SLC25A26: variants seen among roughly 807,000 people sequenced by gnomAD.
SLC25A26 encodes mitochondrial S-adenosylmethionine carrier protein.
In SLC25A26, 36 loss-of-function variants were observed where a neutral mutation model predicts 37.8. The ratio of observed to expected loss-of-function variants is 0.95; its 90% CI spans 0.73 to 1.26. The LOEUF (loss-of-function observed/expected upper bound fraction) is 1.26, where lower values mean the gene tolerates loss of function less well. SLC25A26 is among the 50% of genes most tolerant of loss of function. SLC25A26 has a pLI of 0.00. For missense variants in SLC25A26, 390 were observed against 331.1 expected (o/e 1.18, Z -1.38); for synonymous variants, 129 against 122.5 (o/e 1.05, Z -0.35).
intron 9 of SLC25A26, among the ~76,000 whole-genome samples, chr3:66,372,142 C>T (rs1259046942): frequency 6.6e-6 from 1 of 152,164 alleles, no homozygotes; most frequent in Non-Finnish European, 1.5e-5. Flanking sequence ...AGCAATTGGG[C>T]TACATACATG....
At chr3:66,182,226 G>GT (rs2070723898) in intron 1 of SLC25A26, among the ~76,000 whole-genome samples, 1 of 152,144 alleles carries the variant, frequency 6.6e-6, no homozygotes, top group Non-Finnish European at 1.5e-5. Flanking sequence ...GCCTGAGGAA[G>GT]TTTGTTGGGC....
At chr3:66,210,132 T>C (rs2071265184) in intron 1 of SLC25A26, among the ~76,000 whole-genome samples, 1 of 150,604 alleles carries the variant, frequency 6.6e-6, no homozygotes, top group Non-Finnish European at 1.5e-5. Flanking sequence ...TCCTTCTCCC[T>C]TTTCTATTCC....
intron 5 of SLC25A26, among the ~76,000 whole-genome samples, chr3:66,326,473 C>G (rs920220611): frequency 4.6e-5 from 7 of 152,182 alleles, no homozygotes; most frequent in African/African-American, 1.7e-4. Context: ...GCTTCTGCCC[C>G]AGAGGCTTTG....
intron 9 of SLC25A26, among the ~76,000 whole-genome samples, chr3:66,372,050 G>A (rs1292324581): frequency 6.6e-6 from 1 of 152,170 alleles, no homozygotes; most frequent in East Asian, 1.9e-4. Flanking sequence ...TTACAACTGT[G>A]CCACTGCTCT....
At chr3:66,287,136 A>G (rs901833315) in intron 5 of SLC25A26, among the ~76,000 whole-genome samples, 2 of 152,072 alleles carry the variant, frequency 1.3e-5, no homozygotes, top group Non-Finnish European at 2.9e-5. Flanking sequence ...CTCTACTAAA[A>G]ATACAAAAAA....
chr3:66,148,036 C>T (rs979986025), intron 1 of SLC25A26, among the ~76,000 whole-genome samples: 4 of 152,132 alleles, frequency 2.6e-5, no homozygotes, highest in East Asian at 3.9e-4. Context: ...GGATTATAGG[C>T]GTGAGCCACC....
chr3:66,367,110 C>T (rs2076840652), intron 7 of SLC25A26, among the ~76,000 whole-genome samples: 1 of 152,170 alleles, frequency 6.6e-6, no homozygotes, highest in South Asian at 2.1e-4. Flanking sequence ...TGTGAGTGTG[C>T]TGGTCTAAAG....
intron 5 of SLC25A26, among the ~76,000 whole-genome samples, chr3:66,284,083 A>G (rs1171762891): frequency 6.6e-6 from 1 of 152,226 alleles, no homozygotes; most frequent in East Asian, 1.9e-4. Context: ...ATGGTGGCTC[A>G]TGCCTGTTAT....
chr3:66,161,023 C>G (rs148313998), intron 1 of SLC25A26, among the ~76,000 whole-genome samples: 4,482 of 152,198 alleles, frequency 0.029, 184 homozygotes, highest in African/African-American at 0.098. Context: ...CTTTCCCCTC[C>G]TAATTGTTCC....
chr3:66,137,217 CT>C (rs528438794), intron 1 of SLC25A26, among the ~76,000 whole-genome samples: 33,404 of 118,734 alleles, frequency 0.28, 3,086 homozygotes, highest in African/African-American at 0.34. Flanking sequence ...GATTTTCTTT[CT>C]TTTTTTTTTT....
At chr3:66,220,820 T>C, upstream of SLC25A26, 1 of 529,584 alleles carries the variant, frequency 1.9e-6, no homozygotes, top group South Asian at 2.3e-5. Context: ...CGAAAGTTCC[T>C]CCGTCTAGCT....
At chr3:66,189,256 C>A (rs1352382934) in intron 1 of SLC25A26, among the ~76,000 whole-genome samples, 1 of 151,958 alleles carries the variant, frequency 6.6e-6, no homozygotes, top group Non-Finnish European at 1.5e-5. Context: ...TACACCCACT[C>A]TCACTCTGAC....
intron 1 of SLC25A26, among the ~76,000 whole-genome samples, chr3:66,193,355 T>A (rs1302868623): frequency 2.0e-5 from 3 of 152,200 alleles, no homozygotes; most frequent in African/African-American, 7.2e-5. Context: ...TTCCTTTTTT[T>A]GTCAACAAAT....
chr3:66,277,366 T>G (rs1243869712), intron 5 of SLC25A26, among the ~76,000 whole-genome samples: 1 of 152,130 alleles, frequency 6.6e-6, no homozygotes, highest in African/African-American at 2.4e-5. Context: ...AATATTGTAT[T>G]ATATGTGTAA....
At chr3:66,375,542 C>T (rs1700596963) in intron 9 of SLC25A26, among the ~76,000 whole-genome samples, 1 of 152,006 alleles carries the variant, frequency 6.6e-6, no homozygotes, top group African/African-American at 2.4e-5. Context: ...CTCATTGACT[C>T]TTCTGAAAAT....
At chr3:66,335,965 G>A (rs2076085627) in intron 5 of SLC25A26, among the ~76,000 whole-genome samples, 1 of 152,144 alleles carries the variant, frequency 6.6e-6, no homozygotes, top group African/African-American at 2.4e-5. Context: ...AGGAAGCTAT[G>A]GAGCTGTTCA....
rs908445430 is a variant in SLC25A26, at chr3:66,170,806, T to G, written c.-354+36822T>G. Among the ~76,000 whole-genome samples, 1,099 of 129,872 alleles carry G rather than the reference T, an allele frequency of 8.5e-3. 13 individuals are homozygous for G. The highest frequency in any genetic ancestry group is 0.028 in the African/African-American group (934 of 33,448). 85.2% of individuals were successfully genotyped at this position (129,872 alleles called of 152,430 possible). A position where few individuals can be genotyped will look rare whatever the true frequency, so the allele number is the denominator to read the frequency against. ...TGTGATTATTGTTTTTTTTTTTTTTTTTTTTTTTTTTTTTTGAGACGGAGT... is the reference window on the plus strand; with the variant it reads ...TGTGATTATTGTTTTTTTTTTTTTTGTTTTTTTTTTTTTTTGAGACGGAGT... On this transcript the variant is annotated intron_variant, in intron 1 of 10. Transcript: ENST00000676754.
chr3:66,168,077 C>T (rs529347853), intron 1 of SLC25A26, among the ~76,000 whole-genome samples: 11 of 150,338 alleles, frequency 7.3e-5, no homozygotes, highest in African/African-American at 2.0e-4. Context: ...AGCTTGAACC[C>T]GGGAGAGAGA....
At chr3:66,167,034 G>A (rs1437617495) in intron 1 of SLC25A26, among the ~76,000 whole-genome samples, 1 of 152,180 alleles carries the variant, frequency 6.6e-6, no homozygotes, top group Non-Finnish European at 1.5e-5. Context: ...CATGTGAGAT[G>A]TGCCTTTCAC....
Sources: gnomAD v4.1 joint callset for allele counts (sites outside exome capture counted in the v4.1 genomes callset) on GRCh38, gnomAD v4.1.1 for gene constraint, MANE v1.5 for transcripts, NCBI Gene and HGNC (gene_info 2026-07-23, HGNC 2026-07-21) for gene names.